Variants in ADGRL3 observed in about 807,000 individuals in gnomAD.
ADGRL3 encodes adhesion G protein-coupled receptor L3, also known as calcium-independent alpha-latrotoxin receptor 3.
A neutral mutation model predicts 153.5 loss-of-function variants in ADGRL3; 62 were observed. The ratio of observed to expected loss-of-function variants is 0.40; its 90% CI spans 0.33 to 0.50. ADGRL3 has a LOEUF of 0.50. Ranked by LOEUF, ADGRL3 falls within the 20% of genes least tolerant of loss-of-function variation. The pLI, the probability that ADGRL3 is intolerant of heterozygous loss-of-function variation, is 0.47. For missense variants in ADGRL3, 1,641 were observed against 1,859.4 expected (o/e 0.88, Z 2.16); for synonymous variants, 710 against 672.5 (o/e 1.06, Z -0.86).
At chr4:61,949,584 A>G (rs570961927) in intron 17 of ADGRL3, among the ~76,000 whole-genome samples, 2 of 152,010 alleles carry the variant, frequency 1.3e-5, no homozygotes, top group East Asian at 3.9e-4. Flanking sequence ...AATCCCAGCT[A>G]CTCGGGAGGC....
At chr4:61,828,517 A>G (rs2148827455) in intron 9 of ADGRL3, among the ~76,000 whole-genome samples, 1 of 152,330 alleles carries the variant, frequency 6.6e-6, no homozygotes, top group African/African-American at 2.4e-5. Context: ...ATCTTACAGA[A>G]AATGAGCTTT....
intron 1 of ADGRL3, among the ~76,000 whole-genome samples, chr4:61,361,732 TGAAA>T (rs1374031512): frequency 5.9e-5 from 9 of 152,212 alleles, no homozygotes; most frequent in African/African-American, 2.2e-4. Flanking sequence ...CAGTAAGACT[TGAAA>T]GAAAGAGAAT....
intron 2 of ADGRL3, among the ~76,000 whole-genome samples, chr4:61,435,124 T>C (rs557072382): frequency 6.6e-6 from 1 of 152,250 alleles, no homozygotes; most frequent in African/African-American, 2.4e-5. Context: ...GTTTTGAAAA[T>C]ATTTTGTCAG....
intron 8 of ADGRL3, among the ~76,000 whole-genome samples, chr4:61,810,925 A>T (rs2097608267): frequency 6.6e-6 from 1 of 152,086 alleles, no homozygotes; most frequent in Non-Finnish European, 1.5e-5. Context: ...CATAATATTA[A>T]TCATTTCAAA....
At chr4:61,912,848 A>T in intron 13 of ADGRL3, 91 bp downstream of exon 13, 1 of 1,214,344 alleles carries the variant, frequency 8.2e-7, no homozygotes. Flanking sequence ...ATGATAATGT[A>T]CCTTACTGAA....
intron 5 of ADGRL3, among the ~76,000 whole-genome samples, chr4:61,648,349 CTTTTTT>C (rs34166403): frequency 1.0e-5 from 1 of 99,670 alleles, no homozygotes; most frequent in Non-Finnish European, 1.9e-5. Flanking sequence ...ATGAAATCGG[CTTTTTT>C]TTTTTTTTTT....
intron 4 of ADGRL3, chr4:61,579,624 A>G: frequency 1.9e-6 from 1 of 513,134 alleles, no homozygotes; most frequent in Non-Finnish European, 3.9e-6. Flanking sequence ...CCGTAAGTCA[A>G]AAGAATAGCT....
chr4:61,232,325 T>G (rs79306218), intron 1 of ADGRL3, among the ~76,000 whole-genome samples: 1 of 143,904 alleles, frequency 6.9e-6, no homozygotes, highest in Non-Finnish European at 1.5e-5. Flanking sequence ...TTTTTTTTTT[T>G]GAGACAAAGT....
chr4:61,471,786 G>A (rs1358477708), intron 2 of ADGRL3, among the ~76,000 whole-genome samples: 3 of 151,900 alleles, frequency 2.0e-5, no homozygotes, highest in African/African-American at 4.8e-5. Flanking sequence ...AGAAATGGTC[G>A]ATTAAGGTAT....
intron 13 of ADGRL3, among the ~76,000 whole-genome samples, chr4:61,928,538 C>G (rs1264563341): frequency 6.6e-6 from 1 of 152,114 alleles, no homozygotes; most frequent in African/African-American, 2.4e-5. Context: ...AGTGCCTTAC[C>G]TAGGTCTTTA....
intron 4 of ADGRL3, among the ~76,000 whole-genome samples, chr4:61,550,681 G>A (rs2148803106): frequency 6.6e-6 from 1 of 152,018 alleles, no homozygotes; most frequent in East Asian, 1.9e-4. Context: ...AGAATACTTT[G>A]GTGTGGGGAA....
At chr4:61,654,351 A>G (rs187486428) in intron 5 of ADGRL3, among the ~76,000 whole-genome samples, 4 of 152,208 alleles carry the variant, frequency 2.6e-5, no homozygotes, top group African/African-American at 9.6e-5. Flanking sequence ...ATGCGTACAA[A>G]TATAGCATGA....
intron 9 of ADGRL3, among the ~76,000 whole-genome samples, chr4:61,846,780 G>A (rs1350696699): frequency 2.6e-5 from 4 of 151,780 alleles, no homozygotes; most frequent in Non-Finnish European, 4.4e-5. Context: ...CAATCATGGC[G>A]AAGGTGAAGG....
intron 8 of ADGRL3, among the ~76,000 whole-genome samples, chr4:61,764,380 A>G: frequency 6.8e-6 from 1 of 147,662 alleles, no homozygotes; most frequent in Non-Finnish European, 1.5e-5. Flanking sequence ...GGAAAATTAC[A>G]GTCCAAGGGG....
chr4:62,063,493 G>C, intron 25 of ADGRL3: 1 of 656,404 alleles, frequency 1.5e-6, no homozygotes, highest in Middle Eastern at 2.4e-4. Flanking sequence ...TCTTTCTATG[G>C]GGCTGCTCCA....
rs548351533 is a variant in ADGRL3, at chr4:61,736,038, T to A, written c.1399+2484T>A. 5.9e-5 allele frequency among the ~76,000 whole-genome samples: 9 copies of A among 152,252 alleles called. No individual in the cohort carries two copies. The South Asian group carries it at 8.3e-4, about 14-fold the overall frequency. On this transcript the variant is annotated intron_variant, in intron 8 of 26. Transcript: ENST00000683033. ...ATATGAATATACTCATACACATATA[T>A]GACTATATGCTTTTTGTACTATACA...
chr4:61,501,760 C>T (rs895216610), intron 3 of ADGRL3, among the ~76,000 whole-genome samples: 1 of 152,112 alleles, frequency 6.6e-6, no homozygotes, highest in African/African-American at 2.4e-5. Flanking sequence ...GTTGAATAAT[C>T]CCCACTTGCT....
intron 6 of ADGRL3, among the ~76,000 whole-genome samples, chr4:61,725,253 G>A (rs754846301): frequency 6.6e-6 from 1 of 152,082 alleles, no homozygotes; most frequent in Non-Finnish European, 1.5e-5. Context: ...TAGCCATAGA[G>A]CCATGGTATT....
At chr4:61,494,874 A>G (rs2098296510) in intron 2 of ADGRL3, among the ~76,000 whole-genome samples, 1 of 152,160 alleles carries the variant, frequency 6.6e-6, no homozygotes, top group Non-Finnish European at 1.5e-5. Flanking sequence ...TAAATTATCA[A>G]ATGATCTTGC....
Sources: allele counts gnomAD v4.1 joint callset (sites outside exome capture counted in the v4.1 genomes callset), GRCh38; gene constraint gnomAD v4.1.1; transcripts MANE v1.5; gene names NCBI Gene and HGNC (gene_info 2026-07-23, HGNC 2026-07-21).